The following DPP10 variants were observed in gnomAD, a reference collection of about 807,000 sequenced individuals.
The protein encoded by DPP10 is inactive dipeptidyl peptidase 10.
In DPP10, 33 loss-of-function variants were observed where a neutral mutation model predicts 120.9. The ratio of observed to expected loss-of-function variants is 0.27; its 90% CI spans 0.21 to 0.37. The LOEUF (loss-of-function observed/expected upper bound fraction) is 0.37, where lower values mean the gene tolerates loss of function less well. Among genes scored for constraint, DPP10 ranks in the 10% least tolerant of loss-of-function variants. The probability of loss-of-function intolerance (pLI) is 1.00; values close to 1 mark genes in which losing one functional copy is unlikely to be tolerated. For synonymous variants in DPP10, 337 were observed against 326.1 expected, an observed-to-expected ratio of 1.03 and a Z score of -0.36; for missense variants, 816 against 942.8, an observed-to-expected ratio of 0.87 and a Z score of 1.76.
intron 1 of DPP10, among the ~76,000 whole-genome samples, chr2:115,033,999 G>C (rs914073369): frequency 2.1e-5 from 3 of 142,734 alleles, no homozygotes; most frequent in Admixed American, 1.5e-4. Flanking sequence ...CCAGGTTCAA[G>C]GAATTCTTCT....
intron 1 of DPP10, among the ~76,000 whole-genome samples, chr2:114,793,221 A>G (rs1471887120): frequency 6.6e-6 from 1 of 152,096 alleles, no homozygotes; most frequent in African/African-American, 2.4e-5. Flanking sequence ...ATAGGTACAC[A>G]CGTGCCATGG....
At chr2:115,246,468 G>A (rs1374375862) in intron 1 of DPP10, among the ~76,000 whole-genome samples, 1 of 152,090 alleles carries the variant, frequency 6.6e-6, no homozygotes, top group East Asian at 1.9e-4. Flanking sequence ...TTCAAGTAGA[G>A]GTCTTTCTGA....
At chr2:114,663,662 T>TAGAGAG (rs1407543024) in intron 1 of DPP10, among the ~76,000 whole-genome samples, 169 of 94,986 alleles carry the variant, frequency 1.8e-3, no homozygotes, top group African/African-American at 6.7e-3. Context: ...TATATATATA[T>TAGAGAG]ATATATAGAG....
chr2:114,738,672 G>A (rs575679879), intron 1 of DPP10, among the ~76,000 whole-genome samples: 3 of 152,120 alleles, frequency 2.0e-5, no homozygotes, highest in African/African-American at 7.2e-5. Context: ...AAACAAGGGG[G>A]CTAGAAATAT....
intron 5 of DPP10, among the ~76,000 whole-genome samples, chr2:115,683,949 TA>T (rs1323344607): frequency 6.6e-6 from 1 of 151,776 alleles, no homozygotes; most frequent in Non-Finnish European, 1.5e-5. Flanking sequence ...TCGGTATAAA[TA>T]AAAAATCGCT....
At chr2:115,420,183 T>C (rs1211869493) in intron 3 of DPP10, among the ~76,000 whole-genome samples, 1 of 152,184 alleles carries the variant, frequency 6.6e-6, no homozygotes. Flanking sequence ...AGGCTCTACA[T>C]CTGAGTATCA....
chr2:114,766,559 T>G (rs879173573), intron 1 of DPP10, among the ~76,000 whole-genome samples: 1 of 151,262 alleles, frequency 6.6e-6, no homozygotes, highest in Non-Finnish European at 1.5e-5. Flanking sequence ...GGTTAACAGG[T>G]TCCAATGCAT....
In DPP10 at chr2:115,689,733, A is replaced by C; in HGVS notation, c.488A>C (p.His163Pro). 1 of 1,599,042 alleles carries C rather than the reference A, an allele frequency of 6.3e-7. No homozygotes were observed. The highest frequency in any genetic ancestry group is 8.6e-7 in the Non-Finnish European group (1 of 1,168,784). ...GCTTCATATGTGATTTACAACATAC[A>C]CACTAGGTAAGTTCTTTGATTTTCT... ...YTASYVIYNIHTREVWELNPP... is the reference protein window; with the variant it reads ...YTASYVIYNIPTREVWELNPP... Residue 163 changes from histidine to proline, a missense_variant, in exon 6 of 26, where the codon CAC (histidine) becomes CCC (proline). This residue lies in a region of DPP10 where 182 missense variants were observed against 207.4 expected (regional missense o/e 0.88). Coordinates refer to ENST00000410059, the MANE Select transcript of DPP10 (RefSeq NM_020868.6).
chr2:114,462,217 A>G, intron 1 of DPP10: 2 of 920,978 alleles, frequency 2.2e-6, no homozygotes, highest in Non-Finnish European at 2.6e-6. Context: ...CGAAGATTTT[A>G]CAGAGCCGTA....
intron 1 of DPP10, among the ~76,000 whole-genome samples, chr2:114,849,491 C>G (rs1030207791): frequency 2.0e-5 from 3 of 152,012 alleles, no homozygotes; most frequent in African/African-American, 7.2e-5. Context: ...CACACACCGT[C>G]ACACCTGGCT....
At chr2:115,462,932 A>G (rs1203048448) in intron 3 of DPP10, among the ~76,000 whole-genome samples, 2 of 152,066 alleles carry the variant, frequency 1.3e-5, no homozygotes, top group South Asian at 2.1e-4. Flanking sequence ...GGGTTTTGTT[A>G]TGTTGCCCAG....
intron 1 of DPP10, among the ~76,000 whole-genome samples, chr2:115,188,349 G>A (rs1215537225): frequency 6.6e-6 from 1 of 152,174 alleles, no homozygotes; most frequent in Non-Finnish European, 1.5e-5. Context: ...TAAAGAATCA[G>A]GGTCCTGGGT....
intron 3 of DPP10, among the ~76,000 whole-genome samples, chr2:115,467,884 G>C (rs2074429729): frequency 1.3e-5 from 2 of 152,136 alleles, no homozygotes; most frequent in Admixed American, 6.6e-5. Flanking sequence ...GGCTTTATTA[G>C]AGTACTATGC....
At chr2:115,726,845 A>G (rs1218960799) in intron 7 of DPP10, among the ~76,000 whole-genome samples, 1 of 152,058 alleles carries the variant, frequency 6.6e-6, no homozygotes, top group African/African-American at 2.4e-5. Context: ...TCTATTTGCT[A>G]CTGTGTGTTA....
At chr2:115,838,812 G>T (rs1296118445) in intron 24 of DPP10, among the ~76,000 whole-genome samples, 1 of 151,932 alleles carries the variant, frequency 6.6e-6, no homozygotes, top group Non-Finnish European at 1.5e-5. Flanking sequence ...ACACACACAG[G>T]CACACACATA....
chr2:114,603,670 A>T (rs1486329430), intron 1 of DPP10, among the ~76,000 whole-genome samples: 1 of 152,050 alleles, frequency 6.6e-6, no homozygotes, highest in African/African-American at 2.4e-5. Flanking sequence ...GATGTGGAGG[A>T]TGGGGCGGTA....
rs111605314 is a variant in DPP10, at chr2:114,986,874, G to A, written c.61-322365G>A. Reference sequence around the variant, plus strand: ...CAACCTCCACCTCCCAGGTTCAATCGATTCTCCTGCCTCAGCCTCCCAAGT... The same window carrying A: ...CAACCTCCACCTCCCAGGTTCAATCAATTCTCCTGCCTCAGCCTCCCAAGT... On this transcript the variant is annotated intron_variant, in intron 1 of 25. Coordinates refer to ENST00000410059, the MANE Select transcript of DPP10 (RefSeq NM_020868.6). 5.8e-3 allele frequency among the ~76,000 whole-genome samples: 876 copies of A among 152,080 alleles called. 10 individuals carry two copies. Among genetic ancestry groups the A allele is most frequent in the Middle Eastern group, 0.034 (10 of 294 alleles).
At chr2:114,662,740 C>T (rs1697528900) in intron 1 of DPP10, among the ~76,000 whole-genome samples, 2 of 152,132 alleles carry the variant, frequency 1.3e-5, no homozygotes, top group Non-Finnish European at 2.9e-5. Context: ...GCTTTGGCTC[C>T]TGGGGTTCTG....
chr2:115,679,195 G>T (rs573994131), intron 5 of DPP10, among the ~76,000 whole-genome samples: 1 of 134,748 alleles, frequency 7.4e-6, no homozygotes, highest in African/African-American at 3.9e-5. Flanking sequence ...CATGAGATGT[G>T]GGGGGGGTGC....
Sources: gnomAD v4.1 joint callset for allele counts (sites outside exome capture counted in the v4.1 genomes callset) on GRCh38, gnomAD v4.1.1 for gene constraint, gnomAD v4.1.1 regional missense constraint, MANE v1.5 for transcripts, NCBI Gene and HGNC (gene_info 2026-07-23, HGNC 2026-07-21) for gene names.